NCKAP5: variants seen among roughly 807,000 people sequenced by gnomAD.
NCKAP5 encodes nck-associated protein 5.
NCKAP5 carries 92 observed loss-of-function variants against 167.0 expected under a neutral mutation model. The observed-to-expected ratio is 0.55, with a 90% CI of 0.47 to 0.66. The LOEUF is 0.66. NCKAP5 is among the 30% of genes least tolerant of loss of function. The pLI is 0.00. For missense variants in NCKAP5, 2,378 were observed against 2,315.0 expected, an observed-to-expected ratio of 1.03 and a Z score of -0.56; for synonymous variants, 891 against 877.4, an observed-to-expected ratio of 1.02 and a Z score of -0.27.
chr2:133,089,071 G>A (rs1264565391), intron 6 of NCKAP5, among the ~76,000 whole-genome samples: 1 of 152,122 alleles, frequency 6.6e-6, no homozygotes, highest in African/African-American at 2.4e-5. Flanking sequence ...AAAATATGAT[G>A]TTCCTATAAA....
At chr2:132,752,987 A>G (rs1190398130) in intron 16 of NCKAP5, among the ~76,000 whole-genome samples, 1 of 152,192 alleles carries the variant, frequency 6.6e-6, no homozygotes, top group Non-Finnish European at 1.5e-5. Context: ...TTGGGCCTTC[A>G]ACTGATTGGA....
At chr2:133,546,135 C>A (rs1314827004) in intron 2 of NCKAP5, among the ~76,000 whole-genome samples, 1 of 151,568 alleles carries the variant, frequency 6.6e-6, no homozygotes, top group Non-Finnish European at 1.5e-5. Flanking sequence ...CACACAGACT[C>A]AGAACACATC....
chr2:133,345,127 C>T lies in NCKAP5; in HGVS notation c.70-42017G>A, dbSNP rs112267574. On this transcript the variant is annotated intron_variant, in intron 3 of 19. Coordinates refer to ENST00000409261, the MANE Select transcript of NCKAP5 (RefSeq NM_207363.3). ...TTGCCCCAAAATATCTCCTGTTAAGCTCTCCCTATTTCTGAAGGTACAGCC... is the reference window on the plus strand; with the variant it reads ...TTGCCCCAAAATATCTCCTGTTAAGTTCTCCCTATTTCTGAAGGTACAGCC... 1.8e-3 allele frequency among the ~76,000 whole-genome samples: 269 copies of T among 152,130 alleles called. 3 individuals carry two copies. Among genetic ancestry groups the T allele is most frequent in the African/African-American group, 6.2e-3 (259 of 41,508 alleles).
chr2:132,882,778 A>G (rs1691868681), intron 8 of NCKAP5, among the ~76,000 whole-genome samples: 1 of 152,194 alleles, frequency 6.6e-6, no homozygotes, highest in Admixed American at 6.5e-5. Flanking sequence ...ACTATATTAA[A>G]GGGTATATAT....
At chr2:133,131,384 C>T (rs1273541334) in intron 5 of NCKAP5, among the ~76,000 whole-genome samples, 2 of 152,190 alleles carry the variant, frequency 1.3e-5, no homozygotes, top group African/African-American at 4.8e-5. Flanking sequence ...TGAATTCCAA[C>T]ATCACCTACC....
intron 16 of NCKAP5, among the ~76,000 whole-genome samples, chr2:132,762,763 C>T (rs1459370451): frequency 6.6e-6 from 1 of 152,230 alleles, no homozygotes; most frequent in Non-Finnish European, 1.5e-5. Context: ...CCCCATGGCT[C>T]ATTCTTTTAG....
At chr2:132,974,868 A>T (rs1156228843) in intron 7 of NCKAP5, among the ~76,000 whole-genome samples, 1 of 152,236 alleles carries the variant, frequency 6.6e-6, no homozygotes, top group Non-Finnish European at 1.5e-5. Flanking sequence ...CAATTAGTTC[A>T]AAACATAAAC....
Position 133,001,856 on chromosome 2 carries a change from A to G in NCKAP5, c.342-7617T>C, listed in dbSNP as rs181927599. On this transcript the variant is annotated intron_variant, in intron 6 of 19. Coordinates refer to ENST00000409261, the MANE Select transcript of NCKAP5 (RefSeq NM_207363.3). ...CAGTTGTACACTGAAAATATTCAGGAAAAAAAAACTGCACAAAGTTCCAAA... is the reference window on the plus strand; with the variant it reads ...CAGTTGTACACTGAAAATATTCAGGGAAAAAAAACTGCACAAAGTTCCAAA... Among the ~76,000 whole-genome samples, 212 of 151,614 alleles carry G rather than the reference A, an allele frequency of 1.4e-3. 1 individual carries two copies. The highest frequency in any genetic ancestry group is 2.7e-3 in the Non-Finnish European group (182 of 67,844).
chr2:133,093,768 AGGAGAAG>A (rs1214939351), intron 6 of NCKAP5, among the ~76,000 whole-genome samples: 3 of 152,206 alleles, frequency 2.0e-5, no homozygotes, highest in Non-Finnish European at 2.9e-5. Context: ...TATTTGATAG[AGGAGAAG>A]GGATCAATGA....
chr2:132,991,873 CCACTAGTATCACCACGCATACAT>C (rs1479290474), intron 7 of NCKAP5, among the ~76,000 whole-genome samples: 1 of 152,166 alleles, frequency 6.6e-6, no homozygotes, highest in Non-Finnish European at 1.5e-5. Flanking sequence ...ACTATGTGCT[CCACTAGTATCACCACGCATACAT>C]CATGCATAAA....
At chr2:132,725,845 A>T in intron 18 of NCKAP5, 86 bp from the exon 19 acceptor site, 1 of 1,377,564 alleles carries the variant, frequency 7.3e-7, no homozygotes, top group Non-Finnish European at 1.0e-6. Flanking sequence ...CACAGTTCAC[A>T]TCTGGCTGTC....
chr2:133,404,434 G>A (rs1326413302), intron 3 of NCKAP5, among the ~76,000 whole-genome samples: 1 of 152,096 alleles, frequency 6.6e-6, no homozygotes, highest in Non-Finnish European at 1.5e-5. Flanking sequence ...TACATATATA[G>A]CTATGATAAA....
At chr2:133,334,583 G>C (rs1184255622) in intron 3 of NCKAP5, among the ~76,000 whole-genome samples, 1 of 152,074 alleles carries the variant, frequency 6.6e-6, no homozygotes, top group Non-Finnish European at 1.5e-5. Context: ...TGCTCCTTCT[G>C]TCCCTCAGCA....
chr2:132,992,817 A>G (rs2077486289), intron 7 of NCKAP5, among the ~76,000 whole-genome samples: 1 of 152,130 alleles, frequency 6.6e-6, no homozygotes, highest in African/African-American at 2.4e-5. Flanking sequence ...TGTCTCTATG[A>G]AGCTAACTTT....
chr2:133,635,025 C>A, the NCKAP5 span, among the ~76,000 whole-genome samples: 1 of 151,934 alleles, frequency 6.6e-6, no homozygotes, highest in Non-Finnish European at 1.5e-5. Flanking sequence ...GGGCACCTGC[C>A]ACCACACATA....
At chr2:133,396,595 C>A (rs555831573) in intron 3 of NCKAP5, among the ~76,000 whole-genome samples, 1 of 152,136 alleles carries the variant, frequency 6.6e-6, no homozygotes, top group Non-Finnish European at 1.5e-5. Context: ...CTGCCTTTAT[C>A]TTTACATGGT....
chr2:133,048,163 A>C (rs2079471768), intron 6 of NCKAP5, among the ~76,000 whole-genome samples: 1 of 152,110 alleles, frequency 6.6e-6, no homozygotes, highest in Admixed American at 6.5e-5. Context: ...TTTATAACCA[A>C]TTGCCCTGTA....
chr2:133,258,171 G>A (rs560746768), intron 4 of NCKAP5, among the ~76,000 whole-genome samples: 1 of 152,290 alleles, frequency 6.6e-6, no homozygotes, highest in Admixed American at 6.5e-5. Flanking sequence ...GTGCATGCTT[G>A]TAAAGACATC....
intron 6 of NCKAP5, among the ~76,000 whole-genome samples, chr2:133,035,203 A>G (rs1029538033): frequency 6.6e-6 from 1 of 152,106 alleles, no homozygotes; most frequent in Non-Finnish European, 1.5e-5. Flanking sequence ...CAATTCAGCA[A>G]GAAAATATAA....
Sources: gnomAD v4.1 joint callset for allele counts (sites outside exome capture counted in the v4.1 genomes callset) on GRCh38, gnomAD v4.1.1 for gene constraint, MANE v1.5 for transcripts, NCBI Gene and HGNC (gene_info 2026-07-23, HGNC 2026-07-21) for gene names.